Variants in TYW1B observed in about 807,000 individuals in gnomAD.
TYW1B encodes tRNA-yW synthesizing protein 1 homolog B, also known as S-adenosyl-L-methionine-dependent tRNA 4-demethylwyosine synthase TYW1B.
Under a neutral mutation model 86.9 loss-of-function variants are expected in TYW1B, and 73 were observed. That is an observed-to-expected ratio of 0.84 (90% CI 0.70 to 1.02). TYW1B has a LOEUF of 1.02. Ranked by LOEUF, TYW1B falls within the 50% of genes least tolerant of loss-of-function variation. The probability of loss-of-function intolerance (pLI) is 0.00; values close to 1 mark genes in which losing one functional copy is unlikely to be tolerated. For missense variants in TYW1B, 637 were observed against 827.4 expected (o/e 0.77, Z 2.82); for synonymous variants, 248 against 292.8 (o/e 0.85, Z 1.56).
intron 12 of TYW1B, 42 bp from the exon 13 acceptor site, chr7:72,616,881 C>T: frequency 1.2e-6 from 2 of 1,604,272 alleles, no homozygotes; most frequent in Non-Finnish European, 1.7e-6. Flanking sequence ...TACAGACCTA[C>T]CTGCATGTCA....
At chr7:72,646,753 C>T (rs1156791665) in intron 11 of TYW1B, among the ~76,000 whole-genome samples, 1 of 152,134 alleles carries the variant, frequency 6.6e-6, no homozygotes. Flanking sequence ...TTTAAATATT[C>T]CAATGCCTTC....
At chr7:72,711,470 A>ATTTTTT (rs1786660933) in intron 10 of TYW1B, among the ~76,000 whole-genome samples, 1 of 45,622 alleles carries the variant, frequency 2.2e-5, no homozygotes, top group African/African-American at 8.6e-5. Flanking sequence ...CTCCTCTTTA[A>ATTTTTT]TTCTTTTTTT....
chr7:72,669,067 A>G (rs1813530875), intron 11 of TYW1B, among the ~76,000 whole-genome samples: 1 of 152,072 alleles, frequency 6.6e-6, no homozygotes, highest in Non-Finnish European at 1.5e-5. Context: ...AAAGTCTCCA[A>G]AATATTGACA....
intron 8 of TYW1B, among the ~76,000 whole-genome samples, chr7:72,742,990 C>T (rs1289171663): frequency 1.3e-5 from 2 of 152,030 alleles, no homozygotes; most frequent in Non-Finnish European, 2.9e-5. Context: ...CTAGTCTGGG[C>T]CATTAGATGG....
intron 13 of TYW1B, among the ~76,000 whole-genome samples, chr7:72,607,852 G>A (rs1421446238): frequency 6.6e-6 from 1 of 152,178 alleles, no homozygotes; most frequent in Non-Finnish European, 1.5e-5. Context: ...TCAGGAAGCT[G>A]AGCATGCCTC....
chr7:72,820,022 C>G (rs1788797194), intron 2 of TYW1B, among the ~76,000 whole-genome samples: 1 of 152,056 alleles, frequency 6.6e-6, no homozygotes, highest in African/African-American at 2.4e-5. Flanking sequence ...CATCTGTAAT[C>G]CCAGCACTTC....
chr7:72,791,413 C>CAA (rs782341439), intron 6 of TYW1B, among the ~76,000 whole-genome samples: 6 of 139,732 alleles, frequency 4.3e-5, no homozygotes, highest in Non-Finnish European at 6.1e-5. Context: ...TGCTAAACCT[C>CAA]AAAAAAAAAA....
At chr7:72,624,846 T>C (rs1362444751) in intron 12 of TYW1B, among the ~76,000 whole-genome samples, 1 of 152,058 alleles carries the variant, frequency 6.6e-6, no homozygotes, top group Admixed American at 6.6e-5. Flanking sequence ...TCACCTGAGC[T>C]CAGGAGTTCA....
At chr7:72,782,605 G>A (rs1788067682) in intron 6 of TYW1B, among the ~76,000 whole-genome samples, 1 of 152,108 alleles carries the variant, frequency 6.6e-6, no homozygotes, top group Non-Finnish European at 1.5e-5. Flanking sequence ...GGCCAGTTGT[G>A]GTGGCTCACG....
At chr7:72,795,725 T>C (rs2129572373) in intron 6 of TYW1B, among the ~76,000 whole-genome samples, 1 of 121,270 alleles carries the variant, frequency 8.2e-6, no homozygotes, top group Non-Finnish European at 1.7e-5. Flanking sequence ...CTAGTTGGTT[T>C]AGTTTGTGGG....
At chr7:72,596,709 C>T (rs1228518976) in intron 13 of TYW1B, among the ~76,000 whole-genome samples, 6 of 152,010 alleles carry the variant, frequency 3.9e-5, no homozygotes, top group Non-Finnish European at 8.8e-5. Context: ...AGCTTCATGA[C>T]ATTGAACATA....
chr7:72,730,742 G>A (rs1190785530), intron 8 of TYW1B, among the ~76,000 whole-genome samples: 1 of 151,678 alleles, frequency 6.6e-6, no homozygotes, highest in Non-Finnish European at 1.5e-5. Flanking sequence ...AAAGCCTACA[G>A]GAATGATGGG....
At chr7:72,787,135 C>T (rs1788142751) in intron 6 of TYW1B, among the ~76,000 whole-genome samples, 1 of 151,974 alleles carries the variant, frequency 6.6e-6, no homozygotes, top group African/African-American at 2.4e-5. Flanking sequence ...CTTGAAAGCA[C>T]ATCAAATGAC....
At chr7:72,666,945 T>A (rs1464608850) in intron 11 of TYW1B, among the ~76,000 whole-genome samples, 3 of 139,258 alleles carry the variant, frequency 2.2e-5, no homozygotes, top group Admixed American at 1.6e-4. Flanking sequence ...GGCAGGAGAA[T>A]GGCATGAACC....
Position 72,810,386 on chromosome 7 carries a change from G to A in TYW1B, c.432+85C>T, listed in dbSNP as rs1170653082. On this transcript the variant is annotated intron_variant, in intron 4 of 13. Transcript: ENST00000620995. Reference sequence around the variant, plus strand: ...TTTATGTGTGTGTACGTGTGTGCACGTGTGTTTGTGTGTGTGTACGTGTGT... The same window carrying A: ...TTTATGTGTGTGTACGTGTGTGCACATGTGTTTGTGTGTGTGTACGTGTGT... The A allele has an allele frequency of 2.2e-4, 317 of 1,418,118 alleles. 2 individuals carry two copies. The East Asian group carries it at 7.1e-3, about 32-fold the overall frequency. 87.8% of individuals were successfully genotyped at this position (1,418,118 alleles called of 1,614,324 possible).
chr7:72,808,985 A>G (rs1554477381), intron 4 of TYW1B, among the ~76,000 whole-genome samples: 1 of 152,040 alleles, frequency 6.6e-6, no homozygotes, highest in Non-Finnish European at 1.5e-5. Context: ...TGTAGAGAAC[A>G]GGATGAAAAA....
chr7:72,591,522 A>G (rs1320272094), intron 13 of TYW1B, among the ~76,000 whole-genome samples: 11 of 152,190 alleles, frequency 7.2e-5, no homozygotes, highest in African/African-American at 2.7e-4. Context: ...TGGAGCTCAG[A>G]AGGCTAATAA....
At chr7:72,805,576 G>A (rs1554476510) in intron 5 of TYW1B, among the ~76,000 whole-genome samples, 1 of 150,610 alleles carries the variant, frequency 6.6e-6, no homozygotes, top group Non-Finnish European at 1.5e-5. Context: ...TCATACCGTT[G>A]TACTCTGACT....
At position 72,735,191 on chromosome 7, in the gene TYW1B, C is replaced by T. The variant is rs531072801; in HGVS notation, c.1083-6260G>A. ...AGCACTATTCACAATCGCCAAGATACAGAACCAACCTAAGTGTCCGTCAGC... is the reference window on the plus strand; with the variant it reads ...AGCACTATTCACAATCGCCAAGATATAGAACCAACCTAAGTGTCCGTCAGC... On this transcript the variant is annotated intron_variant, in intron 8 of 13. Transcript: ENST00000620995. 2.4e-4 allele frequency among the ~76,000 whole-genome samples: 37 copies of T among 152,294 alleles called. No homozygotes were observed. The South Asian group carries it at 5.8e-3, about 24-fold the overall frequency.
Sources: gnomAD v4.1 joint callset for allele counts (sites outside exome capture counted in the v4.1 genomes callset) on GRCh38, gnomAD v4.1.1 for gene constraint, MANE v1.5 for transcripts, NCBI Gene and HGNC (gene_info 2026-07-23, HGNC 2026-07-21) for gene names.